Variants in ENTREP2 observed in about 807,000 individuals in gnomAD.
ENTREP2 encodes the protein protein ENTREP2.
the ENTREP2 span, among the ~76,000 whole-genome samples, chr15:29,284,026 T>C: frequency 6.6e-6 from 1 of 151,968 alleles, no homozygotes; most frequent in Non-Finnish European, 1.5e-5. Flanking sequence ...GATCAAGATA[T>C]GGAGGGTGGA....
chr15:29,563,635 C>T, the ENTREP2 span, among the ~76,000 whole-genome samples: 3 of 152,010 alleles, frequency 2.0e-5, no homozygotes, highest in East Asian at 1.9e-4. Context: ...AGTTGAAGAT[C>T]GGCCTGCTAA....
At chr15:29,142,000 G>A in the ENTREP2 span, among the ~76,000 whole-genome samples, 20 of 152,172 alleles carry the variant, frequency 1.3e-4, no homozygotes, top group Admixed American at 9.8e-4. Flanking sequence ...AGAGCTGCTC[G>A]TTCTGTGAAA....
the ENTREP2 span, among the ~76,000 whole-genome samples, chr15:29,442,436 C>T: frequency 0.096 from 14,553 of 152,256 alleles, 960 homozygotes; most frequent in Non-Finnish European, 0.15. Context: ...GGGAACACAA[C>T]CCTGATTCTA....
the ENTREP2 span, among the ~76,000 whole-genome samples, chr15:29,519,144 C>T: frequency 6.6e-6 from 1 of 150,970 alleles, no homozygotes. Context: ...ACCTCTTTCT[C>T]TCTCTCTCTC....
the ENTREP2 span, among the ~76,000 whole-genome samples, chr15:29,660,027 A>C: frequency 0.21 from 32,209 of 151,938 alleles, 5,876 homozygotes; most frequent in African/African-American, 0.5. Context: ...GTCTCGAACT[A>C]CTGAGCTCAA....
At chr15:29,289,041 C>CA in the ENTREP2 span, among the ~76,000 whole-genome samples, 1 of 151,680 alleles carries the variant, frequency 6.6e-6, no homozygotes, top group Non-Finnish European at 1.5e-5. Flanking sequence ...CCTGTCTCTA[C>CA]AAAAAATTAG....
the ENTREP2 span, among the ~76,000 whole-genome samples, chr15:29,463,232 G>T: frequency 6.6e-6 from 1 of 152,148 alleles, no homozygotes; most frequent in African/African-American, 2.4e-5. Flanking sequence ...ACCAGGGGTT[G>T]GAAAGAAGGC....
At chr15:29,424,641 G>A in the ENTREP2 span, among the ~76,000 whole-genome samples, 2 of 152,304 alleles carry the variant, frequency 1.3e-5, no homozygotes, top group Admixed American at 1.3e-4. Flanking sequence ...GGTACTGAGA[G>A]GGGCCCTGCA....
the ENTREP2 span, among the ~76,000 whole-genome samples, chr15:29,221,645 T>C: frequency 1.3e-5 from 2 of 152,100 alleles, no homozygotes; most frequent in African/African-American, 4.8e-5. Flanking sequence ...TGTCTTGCCT[T>C]CGTCTCCTTC....
chr15:29,371,238 C>T, the ENTREP2 span, among the ~76,000 whole-genome samples: 1 of 151,972 alleles, frequency 6.6e-6, no homozygotes, highest in African/African-American at 2.4e-5. Flanking sequence ...CCAGTCAGCA[C>T]AACAGAGCTC....
At chr15:29,256,358 C>T in the ENTREP2 span, among the ~76,000 whole-genome samples, 1 of 152,024 alleles carries the variant, frequency 6.6e-6, no homozygotes, top group Admixed American at 6.6e-5. Flanking sequence ...TCATACATAA[C>T]AAAAAAACCG....
the ENTREP2 span, among the ~76,000 whole-genome samples, chr15:29,594,858 A>G: frequency 6.6e-6 from 1 of 151,888 alleles, no homozygotes; most frequent in Admixed American, 6.6e-5. Context: ...CGAGGTCAGG[A>G]GATCGAGATC....
At chr15:29,290,739 T>C in the ENTREP2 span, among the ~76,000 whole-genome samples, 1 of 152,214 alleles carries the variant, frequency 6.6e-6, no homozygotes, top group East Asian at 1.9e-4. Context: ...GCCTCACCAG[T>C]AGGTTCCTCT....
the ENTREP2 span, among the ~76,000 whole-genome samples, chr15:29,337,274 T>C: frequency 6.6e-6 from 1 of 152,160 alleles, no homozygotes; most frequent in Non-Finnish European, 1.5e-5. Context: ...CATTTCCATC[T>C]GAAATCACAC....
chr15:29,541,252 C>T, the ENTREP2 span, among the ~76,000 whole-genome samples: 2 of 152,160 alleles, frequency 1.3e-5, no homozygotes, highest in African/African-American at 2.4e-5. Context: ...GAGCACACTG[C>T]GGAAATTTCA....
At chr15:29,269,513 G>A in the ENTREP2 span, 2 of 1,594,222 alleles carry the variant, frequency 1.3e-6, no homozygotes, top group African/African-American at 1.4e-5. Context: ...GCGCCCTGAG[G>A]CGAGGGGCCC....
chr15:29,137,606 G>A, the ENTREP2 span, among the ~76,000 whole-genome samples: 7 of 152,052 alleles, frequency 4.6e-5, no homozygotes, highest in East Asian at 3.9e-4. Context: ...AGGCCGAGGC[G>A]GGTGGATCAC....
the ENTREP2 span, among the ~76,000 whole-genome samples, chr15:29,668,556 G>A: frequency 2.0e-5 from 3 of 152,118 alleles, no homozygotes; most frequent in Admixed American, 6.6e-5. Flanking sequence ...GGTATATATC[G>A]ATACAAGAGA....
the ENTREP2 span, among the ~76,000 whole-genome samples, chr15:29,511,028 T>C: frequency 0.069 from 10,464 of 151,734 alleles, 396 homozygotes; most frequent in Non-Finnish European, 0.073. Flanking sequence ...TATCACACAC[T>C]GGGGCCTGTC....
Sources: allele counts gnomAD v4.1 joint callset (sites outside exome capture counted in the v4.1 genomes callset), GRCh38; gene constraint gnomAD v4.1.1; transcripts MANE v1.5; gene names NCBI Gene and HGNC (gene_info 2026-07-23, HGNC 2026-07-21).